The following GALNT10 variants were observed in gnomAD, a reference collection of about 807,000 sequenced individuals.
GALNT10 encodes the protein GalNAc transferase 10.
A neutral mutation model predicts 75.0 loss-of-function variants in GALNT10; 41 were observed. That is an observed-to-expected ratio of 0.55 (90% CI 0.43 to 0.71). GALNT10 has a LOEUF of 0.71. Among genes scored for constraint, GALNT10 ranks in the 30% least tolerant of loss-of-function variants. The pLI, the probability that GALNT10 is intolerant of heterozygous loss-of-function variation, is 0.00. For missense variants in GALNT10, 727 were observed against 818.5 expected, an observed-to-expected ratio of 0.89 and a Z score of 1.36; for synonymous variants, 302 against 313.0, an observed-to-expected ratio of 0.96 and a Z score of 0.37.
intron 1 of GALNT10, among the ~76,000 whole-genome samples, chr5:154,219,098 C>T (rs13170893): frequency 0.02 from 2,985 of 152,296 alleles, 55 homozygotes; most frequent in South Asian, 0.079. Context: ...GGCCTCTGAC[C>T]GCATCTGTAG....
At position 154,331,391 on chromosome 5, in the gene GALNT10, C is replaced by T. The variant is rs565270544; in HGVS notation, c.568+1653C>T. 8.5e-5 allele frequency among the ~76,000 whole-genome samples: 13 copies of T among 152,300 alleles called. No individual in the cohort carries two copies. In the East Asian group the frequency reaches 2.5e-3, roughly 29 times the overall value. On this transcript the variant is annotated intron_variant, in intron 4 of 11. Coordinates refer to ENST00000297107, the MANE Select transcript of GALNT10 (RefSeq NM_198321.4). ...ATAGTCCTGCTGTTTGGCAGAGAGC[C>T]TGGCAATATCTATATCTTTGATCCT...
At chr5:154,355,406 C>G (rs958850589) in intron 4 of GALNT10, among the ~76,000 whole-genome samples, 8 of 152,240 alleles carry the variant, frequency 5.3e-5, no homozygotes. Flanking sequence ...GCCCTCTCTT[C>G]CCTGGAGGTC....
chr5:154,302,350 C>T (rs7721836), intron 3 of GALNT10, among the ~76,000 whole-genome samples: 1,998 of 152,364 alleles, frequency 0.013, 40 homozygotes, highest in African/African-American at 0.046. Context: ...ACTCACTGGA[C>T]CTGCAAATGG....
At chr5:154,378,317 T>TTTTATCATCATC (rs1554100934) in intron 5 of GALNT10, among the ~76,000 whole-genome samples, 1 of 150,882 alleles carries the variant, frequency 6.6e-6, no homozygotes, top group Non-Finnish European at 1.5e-5. Flanking sequence ...TTTCCTTTTT[T>TTTTATCATCATC]ATCATCATCA....
At chr5:154,399,880 T>C (rs570282930) in intron 7 of GALNT10, among the ~76,000 whole-genome samples, 22 of 152,264 alleles carry the variant, frequency 1.4e-4, no homozygotes, top group Admixed American at 1.4e-3. Context: ...CAATGGCTCA[T>C]GCCTGTATTC....
At position 154,412,899 on chromosome 5, in the gene GALNT10, T is replaced by C. The variant is rs1476379508; in HGVS notation, c.1397T>C (p.Val466Ala). The change falls in exon 10 of 12, where the codon GTG becomes GCG. Residue 466 changes from valine (V) to alanine (A), a missense_variant. Transcript: ENST00000297107. The surrounding 1 kb of genome is among the most constrained non-coding windows in gnomAD (Gnocchi z 4.2). ...CTCTTTCCCTTTCAGATCCGAAATG[T>C]GGGCACAGGGCTGTGTGCAGACACA... ...PAAAWGEIRN[V>A]GTGLCADTKH... The C allele has an allele frequency of 6.2e-7, 1 of 1,612,200 alleles. No homozygotes were observed. The highest frequency in any genetic ancestry group is 2.2e-5 in the East Asian group (1 of 44,864).
chr5:154,258,908 T>TA (rs537750061), intron 1 of GALNT10, among the ~76,000 whole-genome samples: 84 of 151,460 alleles, frequency 5.5e-4, no homozygotes, highest in Middle Eastern at 3.4e-3. Flanking sequence ...GAAACTTTTT[T>TA]AAAAAAAAAC....
intron 1 of GALNT10, among the ~76,000 whole-genome samples, chr5:154,211,697 G>T (rs1385240626): frequency 6.6e-6 from 1 of 152,168 alleles, no homozygotes; most frequent in Non-Finnish European, 1.5e-5. Context: ...GGCCAGTCCT[G>T]CAGGCATCTA....
chr5:154,200,931 A>G (rs1775019297), intron 1 of GALNT10, among the ~76,000 whole-genome samples: 1 of 152,174 alleles, frequency 6.6e-6, no homozygotes, highest in Non-Finnish European at 1.5e-5. Context: ...CCTAACCATG[A>G]GAATATTTCC....
At chr5:154,313,169 C>T (rs967993447) in intron 3 of GALNT10, among the ~76,000 whole-genome samples, 3 of 151,942 alleles carry the variant, frequency 2.0e-5, no homozygotes, top group East Asian at 1.9e-4. Context: ...ATTAGCCGGG[C>T]GTGATGGTGA....
chr5:154,411,465 G>A (rs1756396328), intron 9 of GALNT10, among the ~76,000 whole-genome samples: 1 of 152,242 alleles, frequency 6.6e-6, no homozygotes, highest in Non-Finnish European at 1.5e-5. Flanking sequence ...AAGACGAAAA[G>A]CAAGGGTAGG....
At chr5:154,354,026 A>T (rs767174286) in intron 4 of GALNT10, among the ~76,000 whole-genome samples, 1 of 152,196 alleles carries the variant, frequency 6.6e-6, no homozygotes. Context: ...AGCACCTTTG[A>T]GTACTTGAAT....
intron 1 of GALNT10, among the ~76,000 whole-genome samples, chr5:154,224,407 C>T (rs1263391519): frequency 6.6e-6 from 1 of 152,204 alleles, no homozygotes; most frequent in Non-Finnish European, 1.5e-5. Flanking sequence ...CTCTTGCTTC[C>T]TCCTTCTTCC....
intron 8 of GALNT10, among the ~76,000 whole-genome samples, chr5:154,405,805 C>T (rs1756268035): frequency 6.6e-6 from 1 of 151,722 alleles, no homozygotes; most frequent in Non-Finnish European, 1.5e-5. Context: ...GTGTGTGCCA[C>T]TGCACTCCAG....
chr5:154,316,308 G>A (rs1754592910), intron 3 of GALNT10, among the ~76,000 whole-genome samples: 1 of 152,210 alleles, frequency 6.6e-6, no homozygotes, highest in Non-Finnish European at 1.5e-5. Flanking sequence ...AAACTGAGGA[G>A]CCAGGTCCAC....
At chr5:154,346,402 G>A (rs1019709536) in intron 4 of GALNT10, among the ~76,000 whole-genome samples, 22 of 152,144 alleles carry the variant, frequency 1.4e-4, no homozygotes, top group Non-Finnish European at 4.4e-5. Context: ...TGGCTGTATG[G>A]AAAATATGAG....
intron 4 of GALNT10, among the ~76,000 whole-genome samples, chr5:154,341,849 G>A (rs919504687): frequency 5.3e-5 from 8 of 152,188 alleles, no homozygotes; most frequent in South Asian, 2.1e-4. Context: ...GATGGAGAAC[G>A]TAGTCAGGAT....
chr5:154,388,616 T>C (rs1343811673), intron 7 of GALNT10: 1 of 152,010 alleles, frequency 6.6e-6, no homozygotes, highest in Non-Finnish European at 1.5e-5. Flanking sequence ...ATTTTTGTTG[T>C]TGTTTAAATC....
At chr5:154,261,503 T>C (rs1753698162) in intron 1 of GALNT10, among the ~76,000 whole-genome samples, 1 of 152,192 alleles carries the variant, frequency 6.6e-6, no homozygotes, top group Non-Finnish European at 1.5e-5. Flanking sequence ...AGTTCTGTGT[T>C]TAGCACCAAA....
Sources: gnomAD v4.1 joint callset for allele counts (sites outside exome capture counted in the v4.1 genomes callset) on GRCh38, gnomAD v4.1.1 for gene constraint, Gnocchi (gnomAD v3.1) non-coding constraint, MANE v1.5 for transcripts, NCBI Gene and HGNC (gene_info 2026-07-23, HGNC 2026-07-21) for gene names.